KLF12: variants seen among roughly 807,000 people sequenced by gnomAD.
KLF12 encodes KLF transcription factor 12, also known as Krueppel-like factor 12.
A neutral mutation model predicts 37.8 loss-of-function variants in KLF12; 9 were observed. The ratio of observed to expected loss-of-function variants is 0.24; its 90% CI spans 0.14 to 0.42. KLF12 has a LOEUF of 0.42. KLF12 is among the 10% of genes least tolerant of loss of function. KLF12 has a pLI of 1.00. For missense variants in KLF12, 411 were observed against 516.0 expected, an observed-to-expected ratio of 0.80 and a Z score of 1.97; for synonymous variants, 208 against 202.1, an observed-to-expected ratio of 1.03 and a Z score of -0.25.
chr13:74,082,278 A>C (rs1344313293), intron 1 of KLF12, among the ~76,000 whole-genome samples: 1 of 152,040 alleles, frequency 6.6e-6, no homozygotes, highest in Non-Finnish European at 1.5e-5. Context: ...ACTGCCATCC[A>C]GCCTTCACAA....
At chr13:74,020,737 A>C (rs1892820733) in intron 1 of KLF12, among the ~76,000 whole-genome samples, 1 of 152,046 alleles carries the variant, frequency 6.6e-6, no homozygotes, top group Non-Finnish European at 1.5e-5. Context: ...AAAAACACAA[A>C]AAAATTAGCC....
At chr13:73,787,667 G>C (rs1881433591) in intron 5 of KLF12, among the ~76,000 whole-genome samples, 2 of 152,156 alleles carry the variant, frequency 1.3e-5, no homozygotes, top group South Asian at 4.1e-4. Flanking sequence ...ATGGAAGTTT[G>C]GGGATTGGAA....
At position 73,723,365 on chromosome 13, in the gene KLF12, C is replaced by T. The variant is rs992419081; in HGVS notation, c.870-7840G>A. 2.6e-5 allele frequency among the ~76,000 whole-genome samples: 4 copies of T among 152,190 alleles called. No homozygotes were observed. In the East Asian group the frequency reaches 7.7e-4, roughly 29 times the overall value. On this transcript the variant is annotated intron_variant, in intron 6 of 7. Transcript: ENST00000377669. ...GTATGGATTTCTGGATTATACTAGA[C>T]ATACCCACTGAATGGAAGACACATA...
chr13:74,166,507 T>C, the KLF12 span, among the ~76,000 whole-genome samples: 1 of 152,156 alleles, frequency 6.6e-6, no homozygotes, highest in Non-Finnish European at 1.5e-5. Context: ...AGACTGCAAC[T>C]AACAAATGAT....
chr13:74,065,783 C>T (rs558737161), intron 1 of KLF12, among the ~76,000 whole-genome samples: 3 of 152,178 alleles, frequency 2.0e-5, no homozygotes, highest in African/African-American at 7.2e-5. Flanking sequence ...ACATCCTCCC[C>T]TCTCCTCAAG....
At chr13:73,926,781 C>G (rs1050353755) in intron 3 of KLF12, among the ~76,000 whole-genome samples, 12 of 152,010 alleles carry the variant, frequency 7.9e-5, no homozygotes, top group African/African-American at 2.9e-4. Flanking sequence ...GTGAATTACT[C>G]AAGTAATTGT....
the KLF12 span, among the ~76,000 whole-genome samples, chr13:74,299,891 GA>G: frequency 6.6e-6 from 1 of 152,144 alleles, no homozygotes; most frequent in East Asian, 1.9e-4. Context: ...CAGGAAAGGA[GA>G]AAGAAAGACA....
chr13:74,077,833 A>G (rs1874654322), intron 1 of KLF12, among the ~76,000 whole-genome samples: 1 of 152,196 alleles, frequency 6.6e-6, no homozygotes. Flanking sequence ...TTTTCCTTGT[A>G]GCATCAGTTA....
At chr13:73,702,327 A>C (rs934347833) in intron 7 of KLF12, among the ~76,000 whole-genome samples, 43 of 152,296 alleles carry the variant, frequency 2.8e-4, no homozygotes, top group African/African-American at 1.0e-3. Flanking sequence ...CAGAAGGCAG[A>C]ATAAAGTCTA....
intron 5 of KLF12, among the ~76,000 whole-genome samples, chr13:73,776,644 T>C (rs925181430): frequency 6.6e-6 from 1 of 152,220 alleles, no homozygotes; most frequent in Admixed American, 6.5e-5. Flanking sequence ...TTCCAGCCAC[T>C]GGTGTTTGGT....
At chr13:74,253,088 A>G in the KLF12 span, among the ~76,000 whole-genome samples, 8 of 152,130 alleles carry the variant, frequency 5.3e-5, no homozygotes, top group African/African-American at 1.9e-4. Context: ...GAATCCATCT[A>G]TTAACTGTCA....
the KLF12 span, among the ~76,000 whole-genome samples, chr13:74,187,119 G>C: frequency 6.6e-6 from 1 of 152,264 alleles, no homozygotes; most frequent in African/African-American, 2.4e-5. Flanking sequence ...CAGTGGTTAA[G>C]ATTGCAGACA....
rs568941039 is a variant in KLF12, at chr13:73,882,815, A to C, written c.124-36442T>G. ...ATACAATGTATTGTACACCAACAGA[A>C]TTTATCATTAACATATTTTAAAGCA... On this transcript the variant is annotated intron_variant, in intron 3 of 7. Transcript: ENST00000377669. 9.2e-5 allele frequency among the ~76,000 whole-genome samples: 14 copies of C among 152,344 alleles called. No individual in the cohort carries two copies. In the South Asian group the frequency reaches 2.9e-3, roughly 32 times the overall value.
Position 73,714,466 on chromosome 13 carries a change from A to G in KLF12, c.1027+902T>C, listed in dbSNP as rs188380770. Among the ~76,000 whole-genome samples the G allele has an allele frequency of 7.2e-5, 11 of 152,314 alleles. No homozygotes were observed. In the East Asian group the frequency reaches 1.7e-3, roughly 24 times the overall value. ...CAGTCAGTGGCAGATGCTGTCAAGGAAAGACGCTGGACTGGACTTGCTTGC... is the reference window on the plus strand; with the variant it reads ...CAGTCAGTGGCAGATGCTGTCAAGGGAAGACGCTGGACTGGACTTGCTTGC... On this transcript the variant is annotated intron_variant, in intron 7 of 7. Transcript: ENST00000377669.
chr13:74,132,501 C>T (rs78144902), intron 1 of KLF12, among the ~76,000 whole-genome samples: 9,987 of 152,184 alleles, frequency 0.066, 461 homozygotes, highest in Non-Finnish European at 0.1. Flanking sequence ...ATTCCATTAG[C>T]CAGTGGAATT....
intron 3 of KLF12, among the ~76,000 whole-genome samples, chr13:73,931,362 G>A (rs1357253141): frequency 6.6e-6 from 1 of 151,962 alleles, no homozygotes; most frequent in Non-Finnish European, 1.5e-5. Flanking sequence ...GTTTTACATA[G>A]CTCTCAGACA....
chr13:74,227,992 T>C, the KLF12 span, among the ~76,000 whole-genome samples: 2 of 152,190 alleles, frequency 1.3e-5, no homozygotes, highest in African/African-American at 4.8e-5. Context: ...ATGTTTAAGT[T>C]AATCAGTAAC....
chr13:74,003,885 T>C lies in KLF12; in HGVS notation c.-31-8832A>G, dbSNP rs181874724. Among the ~76,000 whole-genome samples the C allele has an allele frequency of 3.3e-5, 5 of 152,272 alleles. No homozygotes were observed. In the East Asian group the frequency reaches 5.8e-4, roughly 18 times the overall value. On this transcript the variant is annotated intron_variant, in intron 1 of 7. Transcript: ENST00000377669. ...TATTGTAGCAGCCAAGGAATGTCAA[T>C]GGCATTTTCAAAAGTAATCCCAAAA...
At chr13:73,905,760 A>T (rs546610578) in intron 3 of KLF12, among the ~76,000 whole-genome samples, 16 of 149,944 alleles carry the variant, frequency 1.1e-4, no homozygotes, top group Non-Finnish European at 1.9e-4. Context: ...TTCACATGAA[A>T]CATCCATCAG....
Sources: gnomAD v4.1 joint callset for allele counts (sites outside exome capture counted in the v4.1 genomes callset) on GRCh38, gnomAD v4.1.1 for gene constraint, MANE v1.5 for transcripts, NCBI Gene and HGNC (gene_info 2026-07-23, HGNC 2026-07-21) for gene names.